Variants in NBPF11 observed in about 807,000 individuals in gnomAD.
NBPF11 encodes NBPF member 11.
In NBPF11, 72 loss-of-function variants were observed where a neutral mutation model predicts 93.9. The observed-to-expected ratio is 0.77, with a 90% CI of 0.63 to 0.93. The LOEUF (loss-of-function observed/expected upper bound fraction) is 0.93, where lower values mean the gene tolerates loss of function less well. Ranked by LOEUF, NBPF11 falls within the 40% of genes least tolerant of loss-of-function variation. NBPF11 has a pLI of 0.00. For missense variants in NBPF11, 705 were observed against 802.2 expected (o/e 0.88, Z 1.46); for synonymous variants, 224 against 304.9 (o/e 0.73, Z 2.76).
rs1435689157 is a variant in NBPF11, at chr1:148,141,235, C to T, written c.-277+2180G>A. On this transcript the variant is annotated intron_variant, in intron 2 of 23. Coordinates refer to ENST00000682118, the MANE Select transcript of NBPF11 (RefSeq NM_001385469.3). Reference sequence around the variant, plus strand: ...GCTGTATTGAGGATTTAGGACATTACGTAATTGCCAAAACCCATAATCTGT... The same window carrying T: ...GCTGTATTGAGGATTTAGGACATTATGTAATTGCCAAAACCCATAATCTGT... Among the ~76,000 whole-genome samples the T allele has an allele frequency of 2.2e-3, 331 of 151,994 alleles. 9 individuals are homozygous for T. Among genetic ancestry groups the T allele is most frequent in the African/African-American group, 7.2e-3 (298 of 41,280 alleles).
chr1:148,146,872 A>T, intron 1 of NBPF11: 3 of 1,613,682 alleles, frequency 1.9e-6, no homozygotes, highest in Non-Finnish European at 2.5e-6. Context: ...GCCTTCCGAG[A>T]GGAACCTCTA....
In NBPF11 at chr1:148,115,929, T is replaced by A. The variant is rs1206464697; in HGVS notation, c.1449A>T (p.Ser483=). The A allele has an allele frequency of 6.9e-6, 11 of 1,586,044 alleles. No individual in the cohort carries two copies. The highest frequency in any genetic ancestry group is 6.9e-6 in the Non-Finnish European group (8 of 1,163,804). The change falls in exon 14 of 24, where the codon TCA becomes TCT. Residue 483 remains serine, a synonymous_variant. Transcript: ENST00000682118. ...DSLEECAITC[S]NSHGPYDSNQ... is the part of the protein sequence containing the mutation. ...TGGAGTCATAAGGGCCATGGCTATT[T>A]GAACAAGTGATGGCACACTCCTCCA...
At position 148,149,560 on chromosome 1, in the gene NBPF11, C is replaced by T. The variant is rs1294567262; in HGVS notation, c.-549+2190G>A. On this transcript the variant is annotated intron_variant, in intron 1 of 23. Coordinates refer to ENST00000682118, the MANE Select transcript of NBPF11 (RefSeq NM_001385469.3). ...TCTCCCAGGAGCTGCCCAGCCAGCG[C>T]GCCTAGCGGCGGCCCCAACCAGCCG... 235 of 1,594,030 alleles carry T rather than the reference C, an allele frequency of 1.5e-4. 1 individual carries two copies. Among genetic ancestry groups the T allele is most frequent in the South Asian group, 1.2e-3 (111 of 90,884 alleles).
At chr1:148,142,952 C>T (rs1487798988) in intron 2 of NBPF11, among the ~76,000 whole-genome samples, 1 of 152,210 alleles carries the variant, frequency 6.6e-6, no homozygotes, top group Non-Finnish European at 1.5e-5. Context: ...GAGGGCACTG[C>T]CTAAAACCAC....
chr1:148,107,550 G>A (rs1320052814), intron 19 of NBPF11, among the ~76,000 whole-genome samples, 161 bp downstream of exon 19: 1 of 152,302 alleles, frequency 6.6e-6, no homozygotes, highest in Non-Finnish European at 1.5e-5. Context: ...AGGAAGAAAT[G>A]GAAACCTAAA....
At chr1:148,147,424 G>C (rs1391086442) in intron 1 of NBPF11, among the ~76,000 whole-genome samples, 1 of 152,034 alleles carries the variant, frequency 6.6e-6, no homozygotes, top group South Asian at 2.1e-4. Flanking sequence ...GCACACATCC[G>C]AGGTCTGGGC....
rs1400684211 is a variant in NBPF11, at chr1:148,103,844, G to T, written c.*52C>A. 61 of 1,611,360 alleles carry T rather than the reference G, an allele frequency of 3.8e-5. 1 individual carries two copies. The African/African-American group carries it at 7.6e-4, about 20-fold the overall frequency. ...TAGTTCAAAGTACATTGATGGAGTC[G>T]AATAATATCTATCCAGTGAGTCCTG... is the stretch of plus-strand genomic sequence containing the variant. On this transcript the variant is annotated 3_prime_UTR_variant, in exon 24 of 24. Coordinates refer to ENST00000682118, the MANE Select transcript of NBPF11 (RefSeq NM_001385469.3).
At chr1:148,118,362 A>G (rs2149219757) in intron 11 of NBPF11, among the ~76,000 whole-genome samples, 1 of 151,716 alleles carries the variant, frequency 6.6e-6, no homozygotes, top group Middle Eastern at 3.4e-3. Flanking sequence ...TCCTTTGGTT[A>G]ATTTTGTGTT....
chr1:148,152,218 C>G lies in NBPF11; in HGVS notation c.-1017G>C, dbSNP rs2149324447. 6.6e-6 allele frequency: 1 copy of G among 152,344 alleles called. No homozygotes were observed. The highest frequency in any genetic ancestry group is 2.1e-4 in the South Asian group (1 of 4,832). The allele number at this position is 152,344 out of a possible 1,614,324, so 9.4% of individuals were successfully genotyped here. On this transcript the variant is annotated 5_prime_UTR_variant, in exon 1 of 24. Transcript: ENST00000682118. The stretch of plus-strand genomic sequence containing the variant: ...CCCCGGCCACTTGAACCGCCCCTGC[C>G]AGGTTAAAGAGGCGGGAGACACACC...
rs1451438262 is a variant in NBPF11, at chr1:148,106,647, G to C, written c.2251+295C>G. On this transcript the variant is annotated intron_variant, in intron 20 of 23. Coordinates refer to ENST00000682118, the MANE Select transcript of NBPF11 (RefSeq NM_001385469.3). ...TGAAGGAGGAAATCTACAAACCCTT[G>C]AGTCCAAATCATAGTTCTGTGAATT... Among the ~76,000 whole-genome samples the C allele has an allele frequency of 8.3e-5, 12 of 145,280 alleles. 1 individual carries two copies. The highest frequency in any genetic ancestry group is 1.6e-4 in the African/African-American group (6 of 37,422).
At position 148,120,752 on chromosome 1, in the gene NBPF11, G is replaced by A. The variant is rs1293103382; in HGVS notation, c.779-42C>T. 1.9e-4 allele frequency: 255 copies of A among 1,369,430 alleles called. No homozygotes were observed. In the Middle Eastern group the frequency reaches 2.7e-3, roughly 15 times the overall value. The allele number at this position is 1,369,430 out of a possible 1,614,324, so 84.8% of individuals were successfully genotyped here. On this transcript the variant is annotated intron_variant, in intron 9 of 23. Coordinates refer to ENST00000682118, the MANE Select transcript of NBPF11 (RefSeq NM_001385469.3). Reference sequence around the variant, plus strand: ...CAAACATATGATGGGTTAAAAACTGGTGAAATCAAATAGGCTTAATCAGGA... The same window carrying A: ...CAAACATATGATGGGTTAAAAACTGATGAAATCAAATAGGCTTAATCAGGA...
At chr1:148,144,987 G>A (rs1453298874) in intron 1 of NBPF11, among the ~76,000 whole-genome samples, 10 of 148,382 alleles carry the variant, frequency 6.7e-5, no homozygotes, top group South Asian at 4.3e-4. Flanking sequence ...GCCTATAGTC[G>A]CAGCTACTCA....
intron 1 of NBPF11, among the ~76,000 whole-genome samples, chr1:148,151,013 C>T (rs1571505367): frequency 6.6e-6 from 1 of 151,890 alleles, no homozygotes; most frequent in African/African-American, 2.4e-5. Context: ...AAAGCAGCTC[C>T]ACCAGCAAAA....
intron 4 of NBPF11, among the ~76,000 whole-genome samples, chr1:148,134,806 A>G (rs1298598634): frequency 6.6e-6 from 1 of 151,914 alleles, no homozygotes; most frequent in African/African-American, 2.4e-5. Context: ...ACGATGCAAG[A>G]GAATAGAAGA....
At chr1:148,122,879 C>T in intron 7 of NBPF11, 78 bp from the exon 8 acceptor site, 1 of 1,605,414 alleles carries the variant, frequency 6.2e-7, no homozygotes, top group Non-Finnish European at 8.5e-7. Flanking sequence ...TGCACAGAGA[C>T]ATGAATATCT....
chr1:148,140,726 C>T (rs1672034784), intron 2 of NBPF11, among the ~76,000 whole-genome samples: 1 of 151,902 alleles, frequency 6.6e-6, no homozygotes, highest in Non-Finnish European at 1.5e-5. Context: ...ATCAGAATGG[C>T]TAAAACACAA....
intron 2 of NBPF11, among the ~76,000 whole-genome samples, chr1:148,142,586 C>T (rs1385591672): frequency 2.0e-5 from 3 of 152,072 alleles, no homozygotes; most frequent in Admixed American, 1.3e-4. Context: ...GCTCCCACTC[C>T]CCCAGGACCT....
chr1:148,103,517 C>T lies in NBPF11; in HGVS notation c.*379G>A, dbSNP rs28704591. 6.4e-6 allele frequency: 9 copies of T among 1,408,378 alleles called. No individual in the cohort carries two copies. Among genetic ancestry groups the T allele is most frequent in the Admixed American group, 1.9e-5 (1 of 51,926 alleles). 87.2% of individuals were successfully genotyped at this position (1,408,378 alleles called of 1,614,324 possible). ...TTGTCTTCAGACTGAGCACAGGTTG[C>T]CACTGGCATGCTCTGAGAATAGGAA... On this transcript the variant is annotated 3_prime_UTR_variant, in exon 24 of 24. Transcript: ENST00000682118.
chr1:148,124,214 G>T lies in NBPF11; in HGVS notation c.279-147C>A, dbSNP rs1206311613. On this transcript the variant is annotated intron_variant, in intron 6 of 23. Transcript: ENST00000682118. ...TGTTGAAAGGAATGTCTGTGGCCAA[G>T]AGAAAGAACAGAAAATGGTCTACAG... 2.8e-4 allele frequency: 181 copies of T among 651,450 alleles called. No individual in the cohort carries two copies. In the African/African-American group the frequency reaches 2.9e-3, roughly 11 times the overall value. 40.4% of individuals were successfully genotyped at this position (651,450 alleles called of 1,614,324 possible).
Sources: gnomAD v4.1 joint callset for allele counts (sites outside exome capture counted in the v4.1 genomes callset) on GRCh38, gnomAD v4.1.1 for gene constraint, MANE v1.5 for transcripts, NCBI Gene and HGNC (gene_info 2026-07-23, HGNC 2026-07-21) for gene names.